The following ABLIM1 variants were observed in gnomAD, a reference collection of about 807,000 sequenced individuals.
The protein encoded by ABLIM1 is actin-binding LIM protein 1.
ABLIM1 carries 40 observed loss-of-function variants against 107.0 expected under a neutral mutation model. The observed-to-expected ratio is 0.37, with a 90% confidence interval of 0.29 to 0.49. The LOEUF is 0.49. Among genes scored for constraint, ABLIM1 ranks in the 20% least tolerant of loss-of-function variants. The pLI, the probability that ABLIM1 is intolerant of heterozygous loss-of-function variation, is 0.97. For missense variants in ABLIM1, 857 were observed against 1,008.5 expected (o/e 0.85, Z 2.04); for synonymous variants, 357 against 357.3 (o/e 1.00, Z 0.01).
At chr10:114,636,902 G>A (rs2497680) in intron 1 of ABLIM1, among the ~76,000 whole-genome samples, 3,550 of 152,102 alleles carry the variant, frequency 0.023, 130 homozygotes, top group African/African-American at 0.081. Context: ...AGGTGGTGGC[G>A]TGCACCTGTA....
intron 6 of ABLIM1, among the ~76,000 whole-genome samples, chr10:114,511,374 A>T (rs1163103841): frequency 2.6e-5 from 4 of 151,322 alleles, no homozygotes; most frequent in Admixed American, 6.6e-5. Context: ...CTTTAAAAAA[A>T]TTTTTTTTTG....
intron 14 of ABLIM1, among the ~76,000 whole-genome samples, chr10:114,448,406 G>A (rs367604863): frequency 6.6e-6 from 1 of 152,148 alleles, no homozygotes; most frequent in Non-Finnish European, 1.5e-5. Flanking sequence ...GTCCTGGCCA[G>A]TGCAGATATA....
rs149208687 is a variant in ABLIM1 at position 114,657,969 on chromosome 10, C to G, written c.232G>C (p.Val78Leu). 2.5e-6 allele frequency: 4 copies of G among 1,612,492 alleles called. No individual in the cohort carries two copies. Among genetic ancestry groups the G allele is most frequent in the Non-Finnish European group, 3.4e-6 (4 of 1,178,860 alleles). ...YCPRGRVCNS[V>L]DPFVAHPQDP... The stretch of plus-strand genomic sequence containing the variant: ...TTATTTTACTTACCAAAAGGATCAA[C>G]GCTGTTACATACACGCCCACGTGGG... The change falls in exon 1 of 23, where the codon GTT becomes CTT. Residue 78 changes from valine to leucine, a missense_variant. Physicochemically the swap from Val to Leu is conservative, Grantham distance 32. Coordinates refer to ENST00000533213, the MANE Select transcript of ABLIM1 (RefSeq NM_002313.7).
At position 114,648,727 on chromosome 10, in the gene ABLIM1, C is replaced by T. The variant is rs140003691; in HGVS notation, c.244+9230G>A. Among the ~76,000 whole-genome samples the T allele has an allele frequency of 7.5e-3, 1,138 of 152,270 alleles. 7 individuals carry two copies. Among genetic ancestry groups the T allele is most frequent in the Non-Finnish European group, 0.012 (785 of 68,024 alleles). On this transcript the variant is annotated intron_variant, in intron 1 of 22. Coordinates refer to ENST00000533213, the MANE Select transcript of ABLIM1 (RefSeq NM_002313.7). ...AAAATGTATGAAGTACCTTTACTTA[C>T]CAAGCACTGCGTTATAGTCTGAAGA...
chr10:114,482,446 G>T (rs989743325), intron 8 of ABLIM1, among the ~76,000 whole-genome samples: 1 of 152,188 alleles, frequency 6.6e-6, no homozygotes, highest in African/African-American at 2.4e-5. Context: ...TAATAACTAA[G>T]GGTACTGAAT....
chr10:114,498,056 G>A (rs905767912), intron 6 of ABLIM1, among the ~76,000 whole-genome samples: 9 of 152,118 alleles, frequency 5.9e-5, no homozygotes, highest in African/African-American at 1.9e-4. Context: ...AAAGAGTTCC[G>A]AATTCTTTGT....
intron 6 of ABLIM1, among the ~76,000 whole-genome samples, chr10:114,543,785 C>T (rs1486978606): frequency 2.6e-5 from 4 of 152,208 alleles, no homozygotes; most frequent in Non-Finnish European, 5.9e-5. Flanking sequence ...GCCCAACTGA[C>T]GTTTCTTATG....
At chr10:114,652,439 C>T (rs747797684) in intron 1 of ABLIM1, among the ~76,000 whole-genome samples, 3 of 152,198 alleles carry the variant, frequency 2.0e-5, no homozygotes, top group African/African-American at 4.8e-5. Context: ...CTCTCACTTA[C>T]GTGATACCCT....
intron 11 of ABLIM1, among the ~76,000 whole-genome samples, chr10:114,466,927 G>A (rs571354880): frequency 2.0e-5 from 3 of 152,300 alleles, no homozygotes; most frequent in Admixed American, 6.5e-5. Context: ...GGGAGGCCAA[G>A]GTGGGTGGAT....
chr10:114,792,906 C>T, the ABLIM1 span, among the ~76,000 whole-genome samples: 1 of 152,100 alleles, frequency 6.6e-6, no homozygotes, highest in East Asian at 1.9e-4. Flanking sequence ...AATCCCAGCA[C>T]TTTGGGAGGC....
intron 2 of ABLIM1, among the ~76,000 whole-genome samples, chr10:114,601,513 G>A (rs533687632): frequency 2.6e-5 from 4 of 151,986 alleles, no homozygotes; most frequent in Non-Finnish European, 4.4e-5. Flanking sequence ...CGATCCACCC[G>A]CCTCAGCCTC....
chr10:114,601,788 A>G (rs1451234453), intron 2 of ABLIM1, 39 bp downstream of exon 2: 1 of 1,614,132 alleles, frequency 6.2e-7, no homozygotes, highest in East Asian at 2.2e-5. Context: ...AGCCCCGACC[A>G]TGGCATGCCA....
At chr10:114,610,667 T>A (rs1470985192) in intron 1 of ABLIM1, 1 of 152,266 alleles carries the variant, frequency 6.6e-6, no homozygotes, top group African/African-American at 2.4e-5. Context: ...TGGCAGCTAC[T>A]TGAAGCTACA....
At chr10:114,754,173 C>T (rs2142476361) in intron 1 of ABLIM1, among the ~76,000 whole-genome samples, 1 of 152,254 alleles carries the variant, frequency 6.6e-6, no homozygotes, top group Admixed American at 6.5e-5. Context: ...TTTAAGAGAA[C>T]AAACCTATAA....
At chr10:114,615,887 A>G (rs1166662575) in intron 1 of ABLIM1, among the ~76,000 whole-genome samples, 2 of 151,922 alleles carry the variant, frequency 1.3e-5, no homozygotes, top group African/African-American at 4.8e-5. Context: ...AAGCTCTCTG[A>G]ATGAGAACCA....
chr10:114,666,566 AG>A (rs758482896), intron 1 of ABLIM1, among the ~76,000 whole-genome samples: 2 of 152,228 alleles, frequency 1.3e-5, no homozygotes, highest in Non-Finnish European at 2.9e-5. Context: ...TCTGGAAGTA[AG>A]AATAACCTAG....
chr10:114,708,525 T>A (rs1046260625), intron 1 of ABLIM1, among the ~76,000 whole-genome samples: 3 of 152,112 alleles, frequency 2.0e-5, no homozygotes, highest in African/African-American at 7.2e-5. Context: ...AAGTTGTGTA[T>A]TTCTGGCAAA....
chr10:114,746,965 G>C (rs140311005), intron 1 of ABLIM1, among the ~76,000 whole-genome samples: 3,511 of 151,928 alleles, frequency 0.023, 52 homozygotes, highest in Non-Finnish European at 0.032. Context: ...TCTTATTAAG[G>C]GTATTAATAA....
In ABLIM1 at chr10:114,433,218, T is replaced by C. The variant is rs1406361005; in HGVS notation, c.*3042A>G. The C allele has an allele frequency of 6.6e-6, 1 of 152,216 alleles. No homozygotes were observed. The highest frequency in any genetic ancestry group is 2.4e-5 in the African/African-American group (1 of 41,444). The allele number at this position is 152,216 out of a possible 1,614,324, so 9.4% of individuals were successfully genotyped here. A position where few individuals can be genotyped will look rare whatever the true frequency, so the allele number is the denominator to read the frequency against. On this transcript the variant is annotated 3_prime_UTR_variant, in exon 23 of 23. Coordinates refer to ENST00000533213, the MANE Select transcript of ABLIM1 (RefSeq NM_002313.7). ...AGTGTGTTAATAACTGGAATTTTCA[T>C]GTATAGTACAGGGTAGGGTAAAAGC...
Sources: gnomAD v4.1 joint callset for allele counts (sites outside exome capture counted in the v4.1 genomes callset) on GRCh38, gnomAD v4.1.1 for gene constraint, MANE v1.5 for transcripts, NCBI Gene and HGNC (gene_info 2026-07-23, HGNC 2026-07-21) for gene names.